The following OSBPL1A variants were observed in gnomAD, a reference collection of about 807,000 sequenced individuals.
The protein encoded by OSBPL1A is oxysterol-binding protein-related protein 1.
A neutral mutation model predicts 137.1 loss-of-function variants in OSBPL1A; 80 were observed. The ratio of observed to expected loss-of-function variants is 0.58; its 90% CI spans 0.49 to 0.70. OSBPL1A has a LOEUF of 0.70. OSBPL1A is among the 30% of genes least tolerant of loss of function. The pLI is 0.00. For missense variants in OSBPL1A, 970 were observed against 1,129.4 expected, an observed-to-expected ratio of 0.86 and a Z score of 2.02; for synonymous variants, 365 against 389.7, an observed-to-expected ratio of 0.94 and a Z score of 0.75.
At chr18:24,246,401 G>A (rs1301826807) in intron 15 of OSBPL1A, among the ~76,000 whole-genome samples, 1 of 152,066 alleles carries the variant, frequency 6.6e-6, no homozygotes, top group Non-Finnish European at 1.5e-5. Context: ...GAAGCCAGTG[G>A]AGGAGGGGAA....
At chr18:24,303,566 CA>C in intron 14 of OSBPL1A, 70 bp downstream of exon 14, 1 of 1,265,218 alleles carries the variant, frequency 7.9e-7, no homozygotes, top group African/African-American at 1.5e-5. Context: ...AAAATGAAGT[CA>C]AACAAAACTA....
chr18:24,368,910 G>GC (rs1329467620), intron 2 of OSBPL1A, among the ~76,000 whole-genome samples: 1 of 152,114 alleles, frequency 6.6e-6, no homozygotes, highest in Non-Finnish European at 1.5e-5. Context: ...CAGGGGCCTG[G>GC]TGGGAGGTGA....
chr18:24,389,846 G>A (rs1287389904), intron 1 of OSBPL1A, among the ~76,000 whole-genome samples: 1 of 152,012 alleles, frequency 6.6e-6, no homozygotes, highest in East Asian at 1.9e-4. Flanking sequence ...GGAGGCTGAG[G>A]TACAAGAATC....
chr18:24,296,398 T>A (rs8097691), intron 14 of OSBPL1A, among the ~76,000 whole-genome samples: 1 of 152,002 alleles, frequency 6.6e-6, no homozygotes, highest in African/African-American at 2.4e-5. Flanking sequence ...TCTAGGAGTC[T>A]TTTGGATGAG....
chr18:24,270,207 T>C (rs980094015), intron 15 of OSBPL1A, among the ~76,000 whole-genome samples: 2 of 152,226 alleles, frequency 1.3e-5, no homozygotes, highest in Non-Finnish European at 1.5e-5. Context: ...AACCTTTTTA[T>C]AAAGAATGTA....
intron 4 of OSBPL1A, among the ~76,000 whole-genome samples, chr18:24,363,391 G>A (rs557276214): frequency 1.3e-5 from 2 of 151,158 alleles, no homozygotes; most frequent in Non-Finnish European, 2.9e-5. Flanking sequence ...TCTCTCTGAC[G>A]AATCTCTCAT....
chr18:24,200,865 T>C (rs1458361503), intron 17 of OSBPL1A, among the ~76,000 whole-genome samples: 1 of 152,040 alleles, frequency 6.6e-6, no homozygotes, highest in African/African-American at 2.4e-5. Context: ...AAAAATTAGG[T>C]AGGAGATTCA....
chr18:24,173,702 C>A (rs1380074055), intron 21 of OSBPL1A, among the ~76,000 whole-genome samples: 1 of 152,220 alleles, frequency 6.6e-6, no homozygotes, highest in Admixed American at 6.5e-5. Context: ...CGTGAGCCAC[C>A]GCTGCACCTT....
intron 17 of OSBPL1A, among the ~76,000 whole-genome samples, chr18:24,207,161 G>A (rs1293106230): frequency 6.6e-6 from 1 of 152,214 alleles, no homozygotes. Flanking sequence ...TTGGCTCATG[G>A]CAACCTCCGC....
At chr18:24,257,122 A>G (rs2089302848) in intron 15 of OSBPL1A, among the ~76,000 whole-genome samples, 1 of 152,170 alleles carries the variant, frequency 6.6e-6, no homozygotes, top group Admixed American at 6.5e-5. Flanking sequence ...AAATAGAAAA[A>G]AACAATTTTA....
At chr18:24,238,548 G>C (rs189372279) in intron 16 of OSBPL1A, among the ~76,000 whole-genome samples, 1 of 152,292 alleles carries the variant, frequency 6.6e-6, no homozygotes, top group East Asian at 1.9e-4. Flanking sequence ...AACTCATTTA[G>C]TCATCACACG....
intron 17 of OSBPL1A, among the ~76,000 whole-genome samples, chr18:24,215,063 C>G (rs992904764): frequency 1.3e-5 from 2 of 152,194 alleles, no homozygotes; most frequent in African/African-American, 4.8e-5. Flanking sequence ...TGGTTCCTTC[C>G]TGCTCTGTGA....
intron 7 of OSBPL1A, among the ~76,000 whole-genome samples, chr18:24,330,009 G>A (rs928185282): frequency 3.9e-5 from 6 of 152,178 alleles, no homozygotes; most frequent in Non-Finnish European, 7.4e-5. Flanking sequence ...GATCCACGAC[G>A]GTACTTAAAT....
At chr18:24,209,533 T>C (rs2087472222) in intron 17 of OSBPL1A, among the ~76,000 whole-genome samples, 1 of 152,216 alleles carries the variant, frequency 6.6e-6, no homozygotes, top group African/African-American at 2.4e-5. Context: ...GTTCTACTCC[T>C]ACATAGTGAA....
chr18:24,334,202 A>G, intron 6 of OSBPL1A, 43 bp downstream of exon 6: 1 of 1,542,536 alleles, frequency 6.5e-7, no homozygotes, highest in Non-Finnish European at 8.8e-7. Context: ...AAGTGTAAAG[A>G]AAGACTGCTT....
At position 24,312,047 on chromosome 18, in the gene OSBPL1A, G is replaced by A. The variant is rs972201030; in HGVS notation, c.1029C>T (p.Asp343=). The A allele has an allele frequency of 6.2e-7, 1 of 1,614,044 alleles. No homozygotes were observed. Among genetic ancestry groups the A allele is most frequent in the Non-Finnish European group, 8.5e-7 (1 of 1,179,930 alleles). Residue 343 remains aspartate, a synonymous_variant, in exon 13 of 28, where the codon GAC becomes GAT. Coordinates refer to ENST00000319481, the MANE Select transcript of OSBPL1A (RefSeq NM_080597.4). ...SAYSTHYCSQ[D]QLTDEEEEDT... is the part of the protein sequence containing the mutation. The stretch of plus-strand genomic sequence containing the variant: ...CTTCCTCCTCCTCATCAGTCAGCTG[G>A]TCCTGGGAACAGTAGTGAGTGCTGT...
intron 4 of OSBPL1A, among the ~76,000 whole-genome samples, chr18:24,356,201 A>G (rs1454167196): frequency 6.6e-6 from 1 of 151,680 alleles, no homozygotes; most frequent in African/African-American, 2.4e-5. Flanking sequence ...AAGTTATGAT[A>G]CCTTGTCCAG....
At chr18:24,396,738 A>T (rs533784885) in intron 1 of OSBPL1A, among the ~76,000 whole-genome samples, 3 of 152,166 alleles carry the variant, frequency 2.0e-5, no homozygotes, top group Non-Finnish European at 4.4e-5. Context: ...GCTGCAAAAA[A>T]TTCATTGTAT....
In OSBPL1A at chr18:24,317,492, T is replaced by C. The variant is rs888464504; in HGVS notation, c.733-92A>G. On this transcript the variant is annotated intron_variant, in intron 9 of 27. Transcript: ENST00000319481. Reference sequence around the variant, plus strand: ...AGTAATTAAGTGAGGACAGTCATATTTGAGTCTTTAGACAGTAGCACTGAA... The same window carrying C: ...AGTAATTAAGTGAGGACAGTCATATCTGAGTCTTTAGACAGTAGCACTGAA... 5.0e-5 allele frequency: 51 copies of C among 1,020,024 alleles called. No individual in the cohort carries two copies. The African/African-American group carries it at 6.0e-4, about 12-fold the overall frequency. 63.2% of individuals were successfully genotyped at this position (1,020,024 alleles called of 1,614,324 possible).
Sources: allele counts gnomAD v4.1 joint callset (sites outside exome capture counted in the v4.1 genomes callset), GRCh38; gene constraint gnomAD v4.1.1; transcripts MANE v1.5; gene names NCBI Gene and HGNC (gene_info 2026-07-23, HGNC 2026-07-21).